Variants in ANO9 observed in about 807,000 individuals in gnomAD.
ANO9 encodes the protein anoctamin-9.
A neutral mutation model predicts 100.5 loss-of-function variants in ANO9; 80 were observed. That is an observed-to-expected ratio of 0.80 (90% CI 0.66 to 0.96). ANO9 has a LOEUF of 0.96. ANO9 is among the 40% of genes least tolerant of loss of function. The probability of loss-of-function intolerance (pLI) is 0.00; values close to 1 mark genes in which losing one functional copy is unlikely to be tolerated. For synonymous variants in ANO9, 473 were observed against 435.6 expected, an observed-to-expected ratio of 1.09 and a Z score of -1.07; for missense variants, 1,064 against 1,072.7, an observed-to-expected ratio of 0.99 and a Z score of 0.11.
chr11:420,240 A>G, intron 19 of ANO9: 1 of 1,421,772 alleles, frequency 7.0e-7, no homozygotes, highest in African/African-American at 1.4e-5. Flanking sequence ...TGAGATCCTG[A>G]CGGTTTGTGG....
intron 1 of ANO9, among the ~76,000 whole-genome samples, chr11:437,040 G>A (rs533320411): frequency 2.2e-5 from 3 of 139,034 alleles, no homozygotes; most frequent in Admixed American, 7.1e-5. Context: ...GGTGAGCGGG[G>A]GGTGCGTGGG....
At chr11:431,317 T>G (rs867215970) in intron 7 of ANO9, among the ~76,000 whole-genome samples, 4 of 29,140 alleles carry the variant, frequency 1.4e-4, no homozygotes, top group Non-Finnish European at 1.8e-4. Context: ...TCTGGGGGGC[T>G]TCTGCGGGGG....
rs774775795 is a variant in ANO9, at chr11:419,026, C to T, written c.1935-37G>A. 8.1e-6 allele frequency: 13 copies of T among 1,611,282 alleles called. No homozygotes were observed. The South Asian group carries it at 1.4e-4, about 18-fold the overall frequency. ...GGAGAGGAGTGTGGGGTGGGGTGGGCTTCCAGGGCGGCCCCTTCAGGCCCC... is the reference window on the plus strand; with the variant it reads ...GGAGAGGAGTGTGGGGTGGGGTGGGTTTCCAGGGCGGCCCCTTCAGGCCCC... On this transcript the variant is annotated intron_variant, in intron 20 of 22. Transcript: ENST00000332826.
chr11:433,631 C>T (rs1440995366), intron 3 of ANO9, among the ~76,000 whole-genome samples, 172 bp from the exon 4 acceptor site: 2 of 152,068 alleles, frequency 1.3e-5, no homozygotes, highest in East Asian at 1.9e-4. Context: ...TCGCTCCCCA[C>T]GCCCCTGCTT....
rs1386997682 is a variant in ANO9 at position 422,956 on chromosome 11, A to G, written c.1335-1758T>C. 1.3e-5 allele frequency among the ~76,000 whole-genome samples: 2 copies of G among 151,640 alleles called. No homozygotes were observed. Among genetic ancestry groups the G allele is most frequent in the Admixed American group, 6.6e-5 (1 of 15,208 alleles). On this transcript the variant is annotated intron_variant, in intron 15 of 22. Coordinates refer to ENST00000332826, the MANE Select transcript of ANO9 (RefSeq NM_001012302.3). This position sits in a 1 kb window ranked among gnomAD's most constrained non-coding sequence, Gnocchi z 4.3. Reference sequence around the variant, plus strand: ...GTGATTCTCCTGCCTCAGCCTCCTGAGTAGCTGGGATTACAGGTGCGCGCC... The same window carrying G: ...GTGATTCTCCTGCCTCAGCCTCCTGGGTAGCTGGGATTACAGGTGCGCGCC...
chr11:425,704 T>A (rs369523396), intron 15 of ANO9, among the ~76,000 whole-genome samples: 2 of 150,588 alleles, frequency 1.3e-5, no homozygotes, highest in African/African-American at 4.9e-5. Context: ...TCACCAATAG[T>A]TTTTTGTTTT....
chr11:433,772 G>C, intron 3 of ANO9, 43 bp downstream of exon 3: 1 of 1,487,946 alleles, frequency 6.7e-7, no homozygotes, highest in Non-Finnish European at 9.1e-7. Context: ...CTGGACACCC[G>C]CCCCGGCCCC....
In ANO9 at chr11:441,955, G is replaced by A. The variant is rs370269364; in HGVS notation, c.-29C>T. 2.2e-5 allele frequency: 36 copies of A among 1,604,518 alleles called. No homozygotes were observed. In the African/African-American group the frequency reaches 3.7e-4, roughly 17 times the overall value. Reference sequence around the variant, plus strand: ...GGCTGTGGCCGGAGTTCCAGCTGGGGTTTGGCGGCCAGGAGAGTGGCTGCC... The same window carrying A: ...GGCTGTGGCCGGAGTTCCAGCTGGGATTTGGCGGCCAGGAGAGTGGCTGCC... On this transcript the variant is annotated 5_prime_UTR_variant, in exon 1 of 23. Transcript: ENST00000332826.
intron 1 of ANO9, 97 bp from the exon 2 acceptor site, chr11:434,195 A>C: frequency 7.3e-7 from 1 of 1,365,534 alleles, no homozygotes; most frequent in Non-Finnish European, 9.9e-7. Flanking sequence ...ATGGTCACAC[A>C]CCGTCCCTCC....
Position 428,720 on chromosome 11 carries a change from A to G in ANO9, c.1020+2T>C. The G allele has an allele frequency of 6.2e-7, 1 of 1,613,138 alleles. No individual in the cohort carries two copies. The highest frequency in any genetic ancestry group is 8.5e-7 in the Non-Finnish European group (1 of 1,179,942). ...AGCCCCACCGCGGTGTCCCCTGCGT[A>G]CCATGAGCAGGGTCAGGACGAGGAT... On this transcript the variant is annotated splice_donor_variant, in intron 12 of 22. Coordinates refer to ENST00000332826, the MANE Select transcript of ANO9 (RefSeq NM_001012302.3). LOFTEE classifies it high-confidence loss of function.
Position 419,612 on chromosome 11 carries a change from G to C in ANO9, c.1904C>G (p.Pro635Arg), listed in dbSNP as rs767787117. 6.2e-7 allele frequency: 1 copy of C among 1,613,522 alleles called. No homozygotes were observed. The highest frequency in any genetic ancestry group is 8.5e-7 in the Non-Finnish European group (1 of 1,179,862). The change falls in exon 20 of 23, where the codon CCA (proline) becomes CGA (arginine). Residue 635 changes from proline (P) to arginine (R), a missense_variant. Pro to Arg is a moderately radical substitution (Grantham distance 103). Transcript: ENST00000332826. ...AGTAGAGTTGCCTTCTTTCAGGCAT[G>C]GGCTATAGCGGTACTTGTAGACCAC... ...PRVVYKYRYS[P>R]CLKEGNSTVD... is the part of the protein sequence containing the mutation.
At position 433,448 on chromosome 11, in the gene ANO9, G is replaced by C. The variant is rs1277301812; in HGVS notation, c.216C>G (p.Asp72Glu). 1 of 1,613,048 alleles carries C rather than the reference G, an allele frequency of 6.2e-7. No homozygotes were observed. The highest frequency in any genetic ancestry group is 1.7e-5 in the Admixed American group (1 of 59,952). Reference sequence around the variant, plus strand: ...GGATCCCAAAGAAGACCTGTTTCTGGTCCCGGATCACCTGGGGGCACATGG... The same window carrying C: ...GGATCCCAAAGAAGACCTGTTTCTGCTCCCGGATCACCTGGGGGCACATGG... ...RKGFHIKVIR[D>E]QKQVFFGIRA... is the part of the protein sequence containing the mutation. The change falls in exon 4 of 23, where the codon GAC (aspartate) becomes GAG (glutamate). Residue 72 changes from aspartate (D) to glutamate (E), a missense_variant. Transcript: ENST00000332826.
chr11:429,797 CATT>C lies in ANO9; in HGVS notation c.790_792del (p.Asn264del). 1 of 1,607,778 alleles carries C rather than the reference CATT, an allele frequency of 6.2e-7. No individual in the cohort carries two copies. ...AAGATGGCGAACACCACCGTGCCAT[CATT>C]GTCAAAGAGGTGGGTGAGCTGGGGG... On this transcript the variant is annotated inframe_deletion, in exon 10 of 23. Transcript: ENST00000332826.
rs887531812 is a variant in ANO9, at chr11:432,558, G to C, written c.351-504C>G. 1.8e-5 allele frequency: 3 copies of C among 162,488 alleles called. No homozygotes were observed. Among genetic ancestry groups the C allele is most frequent in the African/African-American group, 7.2e-5 (3 of 41,600 alleles). 10.1% of individuals were successfully genotyped at this position (162,488 alleles called of 1,614,324 possible). Reference sequence around the variant, plus strand: ...AGAGCCGGGCTCCCAGCCTCCCCCTGTGCCTACAGACATGGCTCCTGGACA... The same window carrying C: ...AGAGCCGGGCTCCCAGCCTCCCCCTCTGCCTACAGACATGGCTCCTGGACA... On this transcript the variant is annotated intron_variant, in intron 4 of 22. Coordinates refer to ENST00000332826, the MANE Select transcript of ANO9 (RefSeq NM_001012302.3). This position sits in a 1 kb window ranked among gnomAD's most constrained non-coding sequence, Gnocchi z 4.8.
At chr11:423,862 T>C (rs1316364353) in intron 15 of ANO9, among the ~76,000 whole-genome samples, 2 of 145,198 alleles carry the variant, frequency 1.4e-5, no homozygotes, top group African/African-American at 5.2e-5. Context: ...CATAAACATC[T>C]AAAGGAAATC....
Position 428,504 on chromosome 11 carries a change from G to A in ANO9, c.1156C>T (p.His386Tyr), listed in dbSNP as rs774929644. ...GTCATGATGATGATGGTCACATAGT[G>A]CACCAGAGCCCCGGTCACCACCACG... ...TAVVVTGALV[H>Y]YVTIIIMTKI... The change falls in exon 13 of 23, where the codon CAC becomes TAC. Residue 386 changes from histidine to tyrosine, a missense_variant. Physicochemically the swap from His to Tyr is moderately conservative, Grantham distance 83 (BLOSUM62 2). Transcript: ENST00000332826. 6.2e-7 allele frequency: 1 copy of A among 1,612,672 alleles called. No homozygotes were observed. Among genetic ancestry groups the A allele is most frequent in the East Asian group, 2.2e-5 (1 of 44,872 alleles).
chr11:441,773 C>T, intron 1 of ANO9, 148 bp downstream of exon 1: 3 of 1,297,398 alleles, frequency 2.3e-6, no homozygotes, highest in Non-Finnish European at 3.1e-6. Context: ...GGCGGTCACC[C>T]TCGCCTGACC....
intron 7 of ANO9, among the ~76,000 whole-genome samples, chr11:430,844 G>C (rs1254582163): frequency 2.8e-5 from 1 of 36,272 alleles, no homozygotes; most frequent in African/African-American, 1.5e-4. Flanking sequence ...GCTTCCGCGG[G>C]GGTGTGGGGG....
At chr11:433,731 AC>A in intron 3 of ANO9, 83 bp downstream of exon 3, 11 of 1,481,300 alleles carry the variant, frequency 7.4e-6, no homozygotes, top group Non-Finnish European at 9.9e-6. Context: ...CTCGCTGGGC[AC>A]CCGCCCCAGC....
Sources: gnomAD v4.1 joint callset for allele counts (sites outside exome capture counted in the v4.1 genomes callset) on GRCh38, gnomAD v4.1.1 for gene constraint, Gnocchi (gnomAD v3.1) non-coding constraint, MANE v1.5 for transcripts, NCBI Gene and HGNC (gene_info 2026-07-23, HGNC 2026-07-21) for gene names.